The following CNN3 variants were observed in gnomAD, a reference collection of about 807,000 sequenced individuals.
The protein encoded by CNN3 is calponin 3, also known as calponin-3.
A neutral mutation model predicts 39.0 loss-of-function variants in CNN3; 11 were observed. The observed-to-expected ratio is 0.28, with a 90% CI of 0.18 to 0.47. The LOEUF is 0.47. Among genes scored for constraint, CNN3 ranks in the 20% least tolerant of loss-of-function variants. CNN3 has a pLI of 0.99. For missense variants in CNN3, 266 were observed against 403.4 expected (o/e 0.66, Z 2.92); for synonymous variants, 101 against 138.3 (o/e 0.73, Z 1.89).
At chr1:94,903,952 C>G (rs761146228) in intron 1 of CNN3, among the ~76,000 whole-genome samples, 3 of 152,206 alleles carry the variant, frequency 2.0e-5, no homozygotes, top group Non-Finnish European at 4.4e-5. Flanking sequence ...CTGGCCAATA[C>G]ATAACATTCC....
intron 1 of CNN3, among the ~76,000 whole-genome samples, chr1:94,918,187 C>T (rs146885034): frequency 7.4e-4 from 113 of 152,172 alleles, no homozygotes; most frequent in African/African-American, 2.4e-3. Flanking sequence ...GAATATATTG[C>T]CCAGTTGTAG....
intron 1 of CNN3, among the ~76,000 whole-genome samples, chr1:94,921,517 T>A (rs933944260): frequency 6.6e-6 from 1 of 152,124 alleles, no homozygotes; most frequent in African/African-American, 2.4e-5. Context: ...CAGATCAGAT[T>A]CATTATGACT....
intron 1 of CNN3, among the ~76,000 whole-genome samples, chr1:94,921,826 T>C (rs1242343124): frequency 1.3e-5 from 2 of 152,168 alleles, no homozygotes; most frequent in African/African-American, 4.8e-5. Context: ...TCTTGTCACT[T>C]CAGCAAAGTG....
chr1:94,913,606 G>A (rs1671217247), intron 1 of CNN3, among the ~76,000 whole-genome samples: 1 of 152,206 alleles, frequency 6.6e-6, no homozygotes, highest in Non-Finnish European at 1.5e-5. Context: ...GTTTCTAGAA[G>A]GAGTAAACTA....
chr1:94,908,728 A>G (rs1240862778), intron 1 of CNN3, among the ~76,000 whole-genome samples: 1 of 152,028 alleles, frequency 6.6e-6, no homozygotes, highest in South Asian at 2.1e-4. Flanking sequence ...TTTAGTAGAG[A>G]TGGGGTTTCG....
chr1:94,901,171 T>G (rs1670853112), intron 5 of CNN3, among the ~76,000 whole-genome samples: 1 of 151,966 alleles, frequency 6.6e-6, no homozygotes, highest in Admixed American at 6.6e-5. Flanking sequence ...CTGGCCAACA[T>G]GGTGAAATCC....
intron 1 of CNN3, among the ~76,000 whole-genome samples, chr1:94,921,993 G>A (rs1218852460): frequency 6.6e-6 from 1 of 152,150 alleles, no homozygotes; most frequent in East Asian, 1.9e-4. Flanking sequence ...CCTTGCAGAG[G>A]ACACCTCTAC....
chr1:94,925,896 T>G, intron 1 of CNN3: 1 of 864,178 alleles, frequency 1.2e-6, no homozygotes, highest in South Asian at 5.3e-5. Context: ...ACCCCTGATG[T>G]CATGGGCTTG....
rs1440456202 is a variant in CNN3, at chr1:94,901,725, T to C, written c.445A>G (p.Thr149Ala). 6.2e-7 allele frequency: 1 copy of C among 1,614,148 alleles called. No homozygotes were observed. Among genetic ancestry groups the C allele is most frequent in the African/African-American group, 1.3e-5 (1 of 75,052 alleles). ...AATTTTCCTTCATCAAAACGTCTTG[T>C]TTGTTTTTCTGCATACTTAACTCCA... The part of the protein sequence containing the change: ...DIGVKYAEKQ[T>A]RRFDEGKLKA... Residue 149 changes from threonine (T) to alanine (A), a missense_variant, in exon 5 of 7, where the codon ACA (threonine) becomes GCA (alanine). Coordinates refer to ENST00000370206, the MANE Select transcript of CNN3 (RefSeq NM_001839.5).
In CNN3 at chr1:94,901,742, T is replaced by G; in HGVS notation, c.428A>C (p.Lys143Thr). Residue 143 changes from lysine to threonine, a missense_variant, in exon 5 of 7, where the codon AAG becomes ACG. Physicochemically the swap from Lys to Thr is moderately conservative, Grantham distance 78 (BLOSUM62 -1). Coordinates refer to ENST00000370206, the MANE Select transcript of CNN3 (RefSeq NM_001839.5). ...GFHTTIDIGV[K>T]YAEKQTRRFD... ...ACGTCTTGTTTGTTTTTCTGCATAC[T>G]TAACTCCAATGTCAATGGTTGTATG... 1 of 1,614,090 alleles carries G rather than the reference T, an allele frequency of 6.2e-7. No individual in the cohort carries two copies. Among genetic ancestry groups the G allele is most frequent in the South Asian group, 1.1e-5 (1 of 91,072 alleles).
chr1:94,908,326 T>G (rs1165858339), intron 1 of CNN3, among the ~76,000 whole-genome samples: 1 of 152,208 alleles, frequency 6.6e-6, no homozygotes, highest in African/African-American at 2.4e-5. Flanking sequence ...CTCCTCTTCA[T>G]GTTCCTGTGC....
chr1:94,909,626 T>C (rs1422254547), intron 1 of CNN3, among the ~76,000 whole-genome samples: 3 of 152,176 alleles, frequency 2.0e-5, no homozygotes, highest in Non-Finnish European at 4.4e-5. Flanking sequence ...CTATGTGTCC[T>C]AACAGTGAAG....
intron 1 of CNN3, among the ~76,000 whole-genome samples, chr1:94,913,953 G>T (rs1240407069): frequency 6.6e-6 from 1 of 152,176 alleles, no homozygotes; most frequent in Non-Finnish European, 1.5e-5. Context: ...GGCCAGCCGG[G>T]TCTTGAATTT....
rs1285850210 is a variant in CNN3, at chr1:94,926,273, C to T, written c.57+565G>A. ...AGCAGCAATCTGCCTCCAAATGCCT[C>T]CCAGGCACCGAGATCGGAGACTGTG... On this transcript the variant is annotated intron_variant, in intron 1 of 6. Transcript: ENST00000370206. The surrounding 1 kb of genome is among the most constrained non-coding windows in gnomAD (Gnocchi z 4.2). 1.3e-5 allele frequency among the ~76,000 whole-genome samples: 2 copies of T among 152,338 alleles called. No homozygotes were observed. Among genetic ancestry groups the T allele is most frequent in the East Asian group, 3.9e-4 (2 of 5,156 alleles).
chr1:94,898,768 A>G (rs964237179), intron 6 of CNN3, among the ~76,000 whole-genome samples: 3 of 152,200 alleles, frequency 2.0e-5, no homozygotes, highest in Non-Finnish European at 4.4e-5. Flanking sequence ...CATAAGGGCA[A>G]AGTTTGATAA....
intron 1 of CNN3, among the ~76,000 whole-genome samples, chr1:94,921,514 G>A (rs1019212012): frequency 6.6e-6 from 1 of 152,106 alleles, no homozygotes; most frequent in African/African-American, 2.4e-5. Flanking sequence ...CCGCAGATCA[G>A]ATTCATTATG....
chr1:94,898,100 G>C lies in CNN3; in HGVS notation c.649-17C>G, dbSNP rs1670770880. 1.3e-6 allele frequency: 2 copies of C among 1,596,782 alleles called. No homozygotes were observed. The highest frequency in any genetic ancestry group is 1.7e-5 in the Admixed American group (1 of 58,622). On this transcript the variant is annotated splice_polypyrimidine_tract_variant and intron_variant, in intron 6 of 6. Coordinates refer to ENST00000370206, the MANE Select transcript of CNN3 (RefSeq NM_001839.5). ...CATCCCTGCCTGGTATTAGAACATA[G>C]TATAAAAGTTAAAACAGCAGCTAGA... is the stretch of plus-strand genomic sequence containing the variant.
At chr1:94,899,322 A>G in intron 6 of CNN3, 49 bp downstream of exon 6, 1 of 1,544,982 alleles carries the variant, frequency 6.5e-7, no homozygotes, top group Non-Finnish European at 8.7e-7. Context: ...CTGGTTAATA[A>G]AAATAAGGTA....
chr1:94,914,060 CTT>C, intron 1 of CNN3, among the ~76,000 whole-genome samples: 1 of 152,226 alleles, frequency 6.6e-6, no homozygotes, highest in African/African-American at 2.4e-5. Flanking sequence ...TTTTTGTTTT[CTT>C]TGTCTCACCA....
Sources: gnomAD v4.1 joint callset for allele counts (sites outside exome capture counted in the v4.1 genomes callset) on GRCh38, gnomAD v4.1.1 for gene constraint, Gnocchi (gnomAD v3.1) non-coding constraint, MANE v1.5 for transcripts, NCBI Gene and HGNC (gene_info 2026-07-23, HGNC 2026-07-21) for gene names.